The following SV2B variants were observed in gnomAD, a reference collection of about 807,000 sequenced individuals.
SV2B encodes synaptic vesicle glycoprotein 2B.
In SV2B, 41 loss-of-function variants were observed where a neutral mutation model predicts 73.9. That is an observed-to-expected ratio of 0.56 (90% CI 0.43 to 0.72). SV2B has a LOEUF of 0.72. Among genes scored for constraint, SV2B ranks in the 30% least tolerant of loss-of-function variants. The pLI, the probability that SV2B is intolerant of heterozygous loss-of-function variation, is 0.00. For synonymous variants in SV2B, 314 were observed against 314.2 expected (o/e 1.00, Z 0.01); for missense variants, 764 against 857.8 (o/e 0.89, Z 1.37).
At position 91,278,678 on chromosome 15, in the gene SV2B, CAAAAAAAA is replaced by C. The variant is rs746732650; in HGVS notation, c.1374-3036_1374-3029del. On this transcript the variant is annotated intron_variant, in intron 9 of 12. Transcript: ENST00000394232. ...TGGGCGACAGAGCGAGACTCCGTCTCAAAAAAAAAAAAAAAAAAAAAGAAGTTACACAG... is the reference window on the plus strand; with the variant it reads ...TGGGCGACAGAGCGAGACTCCGTCTCAAAAAAAAAAAAAGAAGTTACACAG... 3.1e-4 allele frequency among the ~76,000 whole-genome samples: 13 copies of C among 42,456 alleles called. 1 individual carries two copies. Among genetic ancestry groups the C allele is most frequent in the Non-Finnish European group, 5.2e-4 (12 of 23,146 alleles). 27.9% of individuals were successfully genotyped at this position (42,456 alleles called of 152,430 possible).
chr15:91,124,890 G>A lies in SV2B; in HGVS notation c.-392+24527G>A, dbSNP rs1460480395. On this transcript the variant is annotated intron_variant, in intron 1 of 12. Coordinates refer to ENST00000394232, the MANE Select transcript of SV2B (RefSeq NM_001323032.3). The surrounding 1 kb of genome is among the most constrained non-coding windows in gnomAD (Gnocchi z 4.6). Reference sequence around the variant, plus strand: ...GCTGGTCTCGAACTCCTGACTTCAAGTGATCCACCCGCCTCGGCCTCCCAA... The same window carrying A: ...GCTGGTCTCGAACTCCTGACTTCAAATGATCCACCCGCCTCGGCCTCCCAA... Among the ~76,000 whole-genome samples the A allele has an allele frequency of 6.6e-6, 1 of 152,170 alleles. No homozygotes were observed. Among genetic ancestry groups the A allele is most frequent in the African/African-American group, 2.4e-5 (1 of 41,432 alleles).
chr15:91,208,565 A>C (rs1422197823), intron 1 of SV2B, among the ~76,000 whole-genome samples: 4 of 152,176 alleles, frequency 2.6e-5, no homozygotes, highest in Admixed American at 6.5e-5. Context: ...TGATGCAGGA[A>C]TTGTCCTTCA....
intron 2 of SV2B, among the ~76,000 whole-genome samples, chr15:91,247,694 A>T (rs1388857240): frequency 6.6e-6 from 1 of 152,180 alleles, no homozygotes; most frequent in Non-Finnish European, 1.5e-5. Context: ...GAATTGCTGC[A>T]GTCAGGCTGA....
rs1434284879 is a variant in SV2B at position 91,300,700 on chromosome 15, G to A, written c.*8148G>A. On this transcript the variant is annotated 3_prime_UTR_variant, in exon 13 of 13. Coordinates refer to ENST00000394232, the MANE Select transcript of SV2B (RefSeq NM_001323032.3). ...CATTCCCACAGCAACTGCTACAAAA[G>A]TGACTATCTTAATCCTTTGGCTAGA... 1 of 152,184 alleles carries A rather than the reference G, an allele frequency of 6.6e-6. No homozygotes were observed. Among genetic ancestry groups the A allele is most frequent in the Non-Finnish European group, 1.5e-5 (1 of 68,056 alleles). The allele number at this position is 152,184 out of a possible 1,614,324, so 9.4% of individuals were successfully genotyped here.
chr15:91,269,984 G>C (rs1001559822), intron 9 of SV2B, among the ~76,000 whole-genome samples: 2 of 152,180 alleles, frequency 1.3e-5, no homozygotes, highest in Non-Finnish European at 2.9e-5. Flanking sequence ...GTGGAAGGCA[G>C]TTCCCCCAAG....
intron 1 of SV2B, among the ~76,000 whole-genome samples, chr15:91,117,962 A>T (rs1227037420): frequency 6.6e-6 from 1 of 152,196 alleles, no homozygotes; most frequent in Non-Finnish European, 1.5e-5. Context: ...TCTATTTGTT[A>T]AATAACTGGA....
intron 1 of SV2B, among the ~76,000 whole-genome samples, chr15:91,200,792 T>G (rs2045431514): frequency 6.6e-6 from 1 of 152,112 alleles, no homozygotes; most frequent in African/African-American, 2.4e-5. Flanking sequence ...ATGCCTGTAG[T>G]TCCAGCTCCT....
At position 91,136,097 on chromosome 15, in the gene SV2B, CT is replaced by C. The variant is rs2042815436; in HGVS notation, c.-392+35737del. On this transcript the variant is annotated intron_variant, in intron 1 of 12. Transcript: ENST00000394232. This position sits in a 1 kb window ranked among gnomAD's most constrained non-coding sequence, Gnocchi z 5.6. Reference sequence around the variant, plus strand: ...AATATAAACCATAACATTCTGAAAACTTTGTGTACTTTACCACCTTCACAAA... The same window carrying C: ...AATATAAACCATAACATTCTGAAAACTTGTGTACTTTACCACCTTCACAAA... Among the ~76,000 whole-genome samples, 1 of 152,008 alleles carries C rather than the reference CT, an allele frequency of 6.6e-6. No individual in the cohort carries two copies. The highest frequency in any genetic ancestry group is 6.5e-5 in the Admixed American group (1 of 15,268).
chr15:91,192,340 A>G (rs1465250029), intron 1 of SV2B, among the ~76,000 whole-genome samples: 1 of 152,180 alleles, frequency 6.6e-6, no homozygotes, highest in Non-Finnish European at 1.5e-5. Flanking sequence ...ATACAATTCT[A>G]TGCTTTCTTG....
chr15:91,144,250 G>C (rs931602031), intron 1 of SV2B, among the ~76,000 whole-genome samples: 1 of 152,206 alleles, frequency 6.6e-6, no homozygotes, highest in African/African-American at 2.4e-5. Flanking sequence ...TTAAACACAG[G>C]ACTGGAGTGG....
intron 1 of SV2B, among the ~76,000 whole-genome samples, chr15:91,171,095 G>A (rs1161365183): frequency 6.6e-6 from 1 of 152,060 alleles, no homozygotes; most frequent in African/African-American, 2.4e-5. Flanking sequence ...ACCAGAATAT[G>A]GATCTCGATC....
Position 91,267,647 on chromosome 15 carries a change from A to G in SV2B, c.1208+4A>G. 1 of 1,609,410 alleles carries G rather than the reference A, an allele frequency of 6.2e-7. No individual in the cohort carries two copies. Among genetic ancestry groups the G allele is most frequent in the Non-Finnish European group, 8.5e-7 (1 of 1,177,400 alleles). On this transcript the variant is annotated splice_donor_region_variant and intron_variant, in intron 8 of 12. Transcript: ENST00000394232. The surrounding 1 kb of genome is among the most constrained non-coding windows in gnomAD (Gnocchi z 4.3). ...TTTGGTTTGCCATGGCATTCAGGTA[A>G]GTTCTGTCTTACTTAAATTTCGTAA...
intron 1 of SV2B, among the ~76,000 whole-genome samples, chr15:91,204,477 T>C (rs2045565374): frequency 6.6e-6 from 1 of 151,952 alleles, no homozygotes; most frequent in South Asian, 2.1e-4. Context: ...GAGTTGATAA[T>C]AGTAGGTAGT....
intron 1 of SV2B, among the ~76,000 whole-genome samples, chr15:91,180,031 C>T (rs868522211): frequency 0.038 from 5,711 of 150,906 alleles, 368 homozygotes; most frequent in African/African-American, 0.13. Flanking sequence ...CGGCTGGTAC[C>T]GGTTGTTCCT....
intron 1 of SV2B, among the ~76,000 whole-genome samples, chr15:91,107,415 C>A (rs978368005): frequency 6.6e-6 from 1 of 150,890 alleles, no homozygotes; most frequent in African/African-American, 2.4e-5. Context: ...CGGGTTCAAG[C>A]GATTCTCCTG....
intron 1 of SV2B, among the ~76,000 whole-genome samples, chr15:91,174,105 G>A (rs1347200486): frequency 6.6e-6 from 1 of 152,172 alleles, no homozygotes; most frequent in East Asian, 1.9e-4. Flanking sequence ...ATACCAAACA[G>A]GTTTCTGAAG....
rs951861997 is a variant in SV2B, at chr15:91,267,419, A to G, written c.1120-136A>G. ...TTATTTGGACAGTTTTGCTGCCTCTAGGAGACAGTGGGGTACCGGTTCTCT... is the reference window on the plus strand; with the variant it reads ...TTATTTGGACAGTTTTGCTGCCTCTGGGAGACAGTGGGGTACCGGTTCTCT... On this transcript the variant is annotated intron_variant, in intron 7 of 12. Transcript: ENST00000394232. This position sits in a 1 kb window ranked among gnomAD's most constrained non-coding sequence, Gnocchi z 4.3. 1 of 707,882 alleles carries G rather than the reference A, an allele frequency of 1.4e-6. No individual in the cohort carries two copies. The highest frequency in any genetic ancestry group is 2.5e-6 in the Non-Finnish European group (1 of 404,836). The allele number at this position is 707,882 out of a possible 1,614,324, so 43.9% of individuals were successfully genotyped here. A position where few individuals can be genotyped will look rare whatever the true frequency, so the allele number is the denominator to read the frequency against.
chr15:91,208,071 C>G (rs1162741148), intron 1 of SV2B, among the ~76,000 whole-genome samples: 1 of 152,136 alleles, frequency 6.6e-6, no homozygotes, highest in Non-Finnish European at 1.5e-5. Context: ...GCTGTTTTCT[C>G]AATTTCCAAG....
chr15:91,198,319 A>G (rs1266868542), intron 1 of SV2B, among the ~76,000 whole-genome samples: 1 of 152,186 alleles, frequency 6.6e-6, no homozygotes, highest in African/African-American at 2.4e-5. Context: ...ATATACTAAC[A>G]TTTTAAAAGA....
Sources: gnomAD v4.1 joint callset for allele counts (sites outside exome capture counted in the v4.1 genomes callset) on GRCh38, gnomAD v4.1.1 for gene constraint, Gnocchi (gnomAD v3.1) non-coding constraint, MANE v1.5 for transcripts, NCBI Gene and HGNC (gene_info 2026-07-23, HGNC 2026-07-21) for gene names.